The following IL16 variants were observed in gnomAD, a reference collection of about 807,000 sequenced individuals.
The protein encoded by IL16 is interleukin 16, also known as pro-interleukin-16.
In IL16, 67 loss-of-function variants were observed where a neutral mutation model predicts 110.1. The ratio of observed to expected loss-of-function variants is 0.61; its 90% confidence interval spans 0.50 to 0.75. IL16 has a LOEUF of 0.75. IL16 is among the 30% of genes least tolerant of loss of function. The pLI is 0.00. For missense variants in IL16, 1,545 were observed against 1,655.0 expected (o/e 0.93, Z 1.15); for synonymous variants, 689 against 662.9 (o/e 1.04, Z -0.61).
At chr15:81,195,721 A>T (rs900493550), upstream of IL16, among the ~76,000 whole-genome samples, 2 of 152,188 alleles carry the variant, frequency 1.3e-5, no homozygotes, top group African/African-American at 4.8e-5. Context: ...GAGCGTTGGG[A>T]AACATTCCAT....
chr15:81,273,025 G>A, intron 5 of IL16, 65 bp from the exon 6 acceptor site: 1 of 1,289,884 alleles, frequency 7.8e-7, no homozygotes, highest in Non-Finnish European at 1.1e-6. Context: ...GCCCTCAGAA[G>A]GCATCAGGCC....
rs751857020 is a variant in IL16, at chr15:81,279,751, T to C, written c.1058T>C (p.Met353Thr). Reference protein sequence around the residue: ...ISTAKPNYRIMVEVSLQKEAG... With the variant: ...ISTAKPNYRITVEVSLQKEAG... ...ACCGCCAAGCCCAATTACAGAATCA[T>C]GGTGGAGGTTTCTCTGCAGAAAGGT... Residue 353 changes from methionine (M) to threonine (T), a missense_variant, in exon 8 of 19, where the codon ATG (methionine) becomes ACG (threonine). Coordinates refer to ENST00000683961, the MANE Select transcript of IL16 (RefSeq NM_172217.5). 6.2e-7 allele frequency: 1 copy of C among 1,614,182 alleles called. No homozygotes were observed. The highest frequency in any genetic ancestry group is 8.5e-7 in the Non-Finnish European group (1 of 1,180,004).
chr15:81,295,244 C>T (rs1004702658), intron 12 of IL16: 9 of 383,712 alleles, frequency 2.3e-5, no homozygotes, highest in Non-Finnish European at 3.1e-5. Flanking sequence ...CTCTTTCCTT[C>T]TTTCTCTTCT....
At chr15:81,306,732 C>A in intron 18 of IL16, 187 bp downstream of exon 18, 1 of 701,782 alleles carries the variant, frequency 1.4e-6, no homozygotes, top group Non-Finnish European at 2.5e-6. Flanking sequence ...TCAGACATCC[C>A]CTCAATCCCC....
chr15:81,186,388 G>A (rs17337098), intron 1 of IL16, among the ~76,000 whole-genome samples: 12,551 of 152,206 alleles, frequency 0.082, 529 homozygotes, highest in Middle Eastern at 0.099. Context: ...ACACAGGCGG[G>A]TCTATTCCAT....
intron 1 of IL16, among the ~76,000 whole-genome samples, chr15:81,200,807 A>G (rs1204920246): frequency 1.3e-5 from 2 of 152,180 alleles, no homozygotes; most frequent in East Asian, 1.9e-4. Flanking sequence ...CCTTCTTCCC[A>G]TTATCCAAGG....
At chr15:81,265,470 G>A (rs1596009176) in intron 3 of IL16, among the ~76,000 whole-genome samples, 189 bp from the exon 4 acceptor site, 2 of 152,132 alleles carry the variant, frequency 1.3e-5, no homozygotes, top group Non-Finnish European at 2.9e-5. Flanking sequence ...GACAGCATGC[G>A]TGGAGATCAT....
chr15:81,313,318 G>A lies in IL16; in HGVS notation c.*4520G>A, dbSNP rs778429930. 5.1e-6 allele frequency: 8 copies of A among 1,578,624 alleles called. No homozygotes were observed. Among genetic ancestry groups the A allele is most frequent in the African/African-American group, 4.1e-5 (3 of 73,322 alleles). ...GCATAAAACCGGGTCATGCTGCGGG[G>A]GAAGAAGGAGTCCACCACGTTCTGT... On this transcript the variant is annotated 3_prime_UTR_variant, in exon 19 of 19. Transcript: ENST00000683961.
Position 81,292,859 on chromosome 15 carries a change from G to A in IL16, c.1724G>A (p.Ser575Asn). Residue 575 changes from serine (S) to asparagine (N), a missense_variant, in exon 12 of 19, where the codon AGC becomes AAC. Ser to Asn is a conservative substitution (Grantham distance 46, BLOSUM62 1). Transcript: ENST00000683961. The stretch of plus-strand genomic sequence containing the variant: ...CCACCCCTCCCAGAGAGCCGGGACA[G>A]CCACCCGCCGCTGAGACTGAAGAAA... ...ESPPLPESRD[S>N]HPPLRLKKSF... 1 of 1,613,314 alleles carries A rather than the reference G, an allele frequency of 6.2e-7. No individual in the cohort carries two copies. Among genetic ancestry groups the A allele is most frequent in the Non-Finnish European group, 8.5e-7 (1 of 1,179,726 alleles).
chr15:81,218,574 T>A (rs1269838831), intron 1 of IL16, among the ~76,000 whole-genome samples: 2 of 152,308 alleles, frequency 1.3e-5, no homozygotes, highest in South Asian at 2.1e-4. Context: ...CTCATCATAA[T>A]TGAGACGTGA....
At chr15:81,285,407 T>G (rs1158150931) in intron 9 of IL16, among the ~76,000 whole-genome samples, 1 of 152,220 alleles carries the variant, frequency 6.6e-6, no homozygotes, top group African/African-American at 2.4e-5. Flanking sequence ...TTAATGGGCA[T>G]AGTTAAATGT....
chr15:81,307,934 C>G (rs1055714032), intron 18 of IL16, among the ~76,000 whole-genome samples: 3 of 152,198 alleles, frequency 2.0e-5, no homozygotes, highest in Non-Finnish European at 2.9e-5. Flanking sequence ...GCCCAATACA[C>G]TTTAGCTATA....
rs1287168025 is a variant in IL16, at chr15:81,225,307, G to A, written c.-93G>A. ...TTTCCTCTTTCCTCTAGGGACTCAT[G>A]AAGTGGCAGCTAAGCCCTGTCCAGT... On this transcript the variant is annotated 5_prime_UTR_variant, in exon 2 of 19. An upstream start codon of the reference 5' UTR is lost. Coordinates refer to ENST00000683961, the MANE Select transcript of IL16 (RefSeq NM_172217.5). The A allele has an allele frequency of 1.9e-6, 3 of 1,540,222 alleles. No homozygotes were observed. The highest frequency in any genetic ancestry group is 2.0e-5 in the Admixed American group (1 of 50,914).
At chr15:81,241,684 T>C (rs1897341669) in intron 2 of IL16, among the ~76,000 whole-genome samples, 1 of 152,074 alleles carries the variant, frequency 6.6e-6, no homozygotes, top group Non-Finnish European at 1.5e-5. Context: ...AAGAAAACAA[T>C]ACAGAGAAGT....
At chr15:81,273,369 G>T (rs1035747550) in intron 6 of IL16, among the ~76,000 whole-genome samples, 165 bp downstream of exon 6, 1 of 152,156 alleles carries the variant, frequency 6.6e-6, no homozygotes, top group South Asian at 2.1e-4. Context: ...CAGCTCCCCC[G>T]AGGGGGTCTT....
At chr15:81,239,443 C>T (rs920208593) in intron 2 of IL16, among the ~76,000 whole-genome samples, 4 of 152,158 alleles carry the variant, frequency 2.6e-5, no homozygotes, top group Non-Finnish European at 4.4e-5. Context: ...TCCTGGGCTG[C>T]CTGGTACCAC....
rs1405687371 is a variant in IL16, at chr15:81,310,618, G to A, written c.*1820G>A. The A allele has an allele frequency of 6.6e-6, 1 of 152,200 alleles. No individual in the cohort carries two copies. The highest frequency in any genetic ancestry group is 1.5e-5 in the Non-Finnish European group (1 of 68,046). 9.4% of individuals were successfully genotyped at this position (152,200 alleles called of 1,614,324 possible). ...ACACTCCCTTCCCATGACCCAGGCT[G>A]GGCAAGGAGGCCACGTGATGTGGAG... On this transcript the variant is annotated 3_prime_UTR_variant, in exon 19 of 19. Coordinates refer to ENST00000683961, the MANE Select transcript of IL16 (RefSeq NM_172217.5).
intron 9 of IL16, among the ~76,000 whole-genome samples, chr15:81,283,959 C>T (rs1426000683): frequency 3.5e-5 from 5 of 144,228 alleles, no homozygotes; most frequent in Non-Finnish European, 6.0e-5. Context: ...GCCAAGATCG[C>T]ACCATTGCAC....
rs1277263344 is a variant in IL16 at position 81,201,729 on chromosome 15, A to G, written c.-102+4577A>G. On this transcript the variant is annotated intron_variant, in intron 1 of 18. Coordinates refer to ENST00000683961, the MANE Select transcript of IL16 (RefSeq NM_172217.5). ...GTTTGGTAAAAATGCTGTAATTAGT[A>G]AAATGTAGAGTAATCAGTTTTTACC... Among the ~76,000 whole-genome samples the G allele has an allele frequency of 2.6e-5, 4 of 152,196 alleles. No homozygotes were observed. The East Asian group carries it at 7.7e-4, about 29-fold the overall frequency.
Sources: allele counts gnomAD v4.1 joint callset (sites outside exome capture counted in the v4.1 genomes callset), GRCh38; gene constraint gnomAD v4.1.1; transcripts MANE v1.5; gene names NCBI Gene and HGNC (gene_info 2026-07-23, HGNC 2026-07-21).